ANKMY2: variants seen among roughly 807,000 people sequenced by gnomAD.
ANKMY2 encodes the protein ankyrin repeat and MYND domain containing 2, also known as ankyrin repeat and MYND domain-containing protein 2.
In ANKMY2, 36 loss-of-function variants were observed where a neutral mutation model predicts 50.4. The ratio of observed to expected loss-of-function variants is 0.71; its 90% CI spans 0.55 to 0.94. The LOEUF (loss-of-function observed/expected upper bound fraction) is 0.94. Among genes scored for constraint, ANKMY2 ranks in the 40% least tolerant of loss-of-function variants. ANKMY2 has a pLI of 0.00. For synonymous variants in ANKMY2, 187 were observed against 178.8 expected (o/e 1.05, Z -0.36); for missense variants, 565 against 524.0 (o/e 1.08, Z -0.76).
intron 2 of ANKMY2, 150 bp from the exon 3 acceptor site, chr7:16,627,328 G>C: frequency 5.9e-6 from 3 of 505,282 alleles, no homozygotes; most frequent in Non-Finnish European, 6.6e-6. Flanking sequence ...TCCACACTTT[G>C]ATCTTCCATA....
chr7:16,628,873 G>C (rs1372987429), intron 2 of ANKMY2, among the ~76,000 whole-genome samples: 1 of 151,862 alleles, frequency 6.6e-6, no homozygotes. Flanking sequence ...CTCTGAGAAT[G>C]AATAATCCCC....
At chr7:16,618,624 T>C (rs62443204) in intron 4 of ANKMY2, among the ~76,000 whole-genome samples, 32,981 of 151,958 alleles carry the variant, frequency 0.22, 4,166 homozygotes, top group Middle Eastern at 0.3. Flanking sequence ...CCCCAGTACA[T>C]ACGTCTTGAA....
At chr7:16,627,990 T>C (rs1781528684) in intron 2 of ANKMY2, among the ~76,000 whole-genome samples, 1 of 152,242 alleles carries the variant, frequency 6.6e-6, no homozygotes, top group Non-Finnish European at 1.5e-5. Flanking sequence ...TGTATATATA[T>C]GGAAAAATGG....
At chr7:16,632,420 A>G (rs537669962) in intron 2 of ANKMY2, among the ~76,000 whole-genome samples, 1 of 152,032 alleles carries the variant, frequency 6.6e-6, no homozygotes, top group Non-Finnish European at 1.5e-5. Context: ...CCACTCCCTT[A>G]CTCAGCCCCA....
At chr7:16,642,976 C>T (rs1266898143) in intron 1 of ANKMY2, among the ~76,000 whole-genome samples, 3 of 152,190 alleles carry the variant, frequency 2.0e-5, no homozygotes, top group Non-Finnish European at 4.4e-5. Context: ...CTGCCACTTA[C>T]CTGTTTGACA....
chr7:16,608,068 T>C (rs1781189183), intron 7 of ANKMY2, among the ~76,000 whole-genome samples: 1 of 152,094 alleles, frequency 6.6e-6, no homozygotes, highest in Non-Finnish European at 1.5e-5. Flanking sequence ...AGTATGCATA[T>C]GAGAACCTAC....
chr7:16,640,496 T>C (rs1182696825), intron 1 of ANKMY2, among the ~76,000 whole-genome samples: 2 of 152,170 alleles, frequency 1.3e-5, no homozygotes, highest in African/African-American at 2.4e-5. Context: ...CAAACACGTA[T>C]AGATTTCAAT....
intron 4 of ANKMY2, among the ~76,000 whole-genome samples, chr7:16,619,474 GAAA>G (rs1781403699): frequency 6.6e-6 from 1 of 151,740 alleles, no homozygotes; most frequent in Admixed American, 6.6e-5. Context: ...TTTTTAAAAA[GAAA>G]AAATAGTATT....
intron 2 of ANKMY2, among the ~76,000 whole-genome samples, chr7:16,629,110 T>C (rs1475944491): frequency 6.6e-6 from 1 of 152,210 alleles, no homozygotes; most frequent in Admixed American, 6.5e-5. Context: ...CTCCTATTAC[T>C]CCCTTTCGTC....
chr7:16,626,982 T>G (rs183393768), intron 3 of ANKMY2, 58 bp downstream of exon 3: 1 of 1,375,584 alleles, frequency 7.3e-7, no homozygotes, highest in African/African-American at 1.5e-5. Context: ...TTTTAGTATA[T>G]ATGTACTTAT....
chr7:16,639,717 G>C (rs1318078580), intron 1 of ANKMY2, among the ~76,000 whole-genome samples: 1 of 152,162 alleles, frequency 6.6e-6, no homozygotes, highest in Non-Finnish European at 1.5e-5. Flanking sequence ...AGGAAGTTGA[G>C]GCTGCAGTGA....
chr7:16,624,425 A>C (rs1273504275), intron 4 of ANKMY2, among the ~76,000 whole-genome samples: 1 of 152,238 alleles, frequency 6.6e-6, no homozygotes, highest in African/African-American at 2.4e-5. Flanking sequence ...GTTGATGAGA[A>C]TGATAACGAA....
chr7:16,605,607 C>T (rs1032256491), intron 7 of ANKMY2, among the ~76,000 whole-genome samples: 1 of 151,538 alleles, frequency 6.6e-6, no homozygotes, highest in East Asian at 1.9e-4. Context: ...AAGCAATTCT[C>T]CTGCCTCAGC....
At chr7:16,631,577 A>C (rs1781584608) in intron 2 of ANKMY2, among the ~76,000 whole-genome samples, 1 of 151,354 alleles carries the variant, frequency 6.6e-6, no homozygotes, top group Non-Finnish European at 1.5e-5. Flanking sequence ...ATTTTCCTTA[A>C]TTATTGATTA....
intron 1 of ANKMY2, among the ~76,000 whole-genome samples, chr7:16,642,168 C>T (rs1781755514): frequency 6.6e-6 from 1 of 151,122 alleles, no homozygotes; most frequent in African/African-American, 2.4e-5. Flanking sequence ...AACAGTAAGC[C>T]CAGGAATTTC....
At chr7:16,618,098 A>G (rs1781383791) in intron 4 of ANKMY2, among the ~76,000 whole-genome samples, 1 of 151,516 alleles carries the variant, frequency 6.6e-6, no homozygotes, top group Admixed American at 6.6e-5. Context: ...TGGCTAATCT[A>G]TTTTGTATTT....
rs1781039175 is a variant in ANKMY2, at chr7:16,600,727, T to G, written c.*34A>C. Reference sequence around the variant, plus strand: ...AGGAGTTTTCCAGCTTCTTGCAGGGTGAGGATCATCCACACTGGCACTTGC... The same window carrying G: ...AGGAGTTTTCCAGCTTCTTGCAGGGGGAGGATCATCCACACTGGCACTTGC... On this transcript the variant is annotated 3_prime_UTR_variant, in exon 10 of 10. Transcript: ENST00000306999. 5.1e-6 allele frequency: 8 copies of G among 1,562,508 alleles called. No homozygotes were observed. The highest frequency in any genetic ancestry group is 5.2e-6 in the Non-Finnish European group (6 of 1,152,798).
At chr7:16,645,244 TGGAA>T (rs1246270053) in intron 1 of ANKMY2, among the ~76,000 whole-genome samples, 1 of 152,190 alleles carries the variant, frequency 6.6e-6, no homozygotes, top group African/African-American at 2.4e-5. Flanking sequence ...AGGCGGGGCG[TGGAA>T]ATCCGTACGT....
Position 16,602,477 on chromosome 7 carries a change from T to A in ANKMY2, c.1044A>T (p.Thr348=). ...AGATTTTCTTATGAGTAAACCAGTGTGTTTTCTGGCAGGTTTGATCACAAT... is the reference window on the plus strand; with the variant it reads ...AGATTTTCTTATGAGTAAACCAGTGAGTTTTCTGGCAGGTTTGATCACAAT... The part of the protein sequence containing the change: ...VIYCDQTCQK[T]HWFTHKKICK... Residue 348 remains threonine, a synonymous_variant, in exon 9 of 10, where the codon ACA becomes ACT. Coordinates refer to ENST00000306999, the MANE Select transcript of ANKMY2 (RefSeq NM_020319.3). 6.2e-7 allele frequency: 1 copy of A among 1,613,760 alleles called. No individual in the cohort carries two copies. Among genetic ancestry groups the A allele is most frequent in the Non-Finnish European group, 8.5e-7 (1 of 1,179,920 alleles).
Sources: allele counts gnomAD v4.1 joint callset (sites outside exome capture counted in the v4.1 genomes callset), GRCh38; gene constraint gnomAD v4.1.1; transcripts MANE v1.5; gene names NCBI Gene and HGNC (gene_info 2026-07-23, HGNC 2026-07-21).